ARHGAP39: variants seen among roughly 807,000 people sequenced by gnomAD.
ARHGAP39 encodes the protein rho GTPase-activating protein 39.
ARHGAP39 carries 44 observed loss-of-function variants against 106.9 expected under a neutral mutation model. The ratio of observed to expected loss-of-function variants is 0.41; its 90% CI spans 0.32 to 0.53. The LOEUF (loss-of-function observed/expected upper bound fraction) is 0.53. Among genes scored for constraint, ARHGAP39 ranks in the 20% least tolerant of loss-of-function variants. ARHGAP39 has a pLI of 0.21. For synonymous variants in ARHGAP39, 768 were observed against 693.2 expected (o/e 1.11, Z -1.69); for missense variants, 1,496 against 1,577.3 (o/e 0.95, Z 0.87).
At chr8:144,602,636 G>A (rs1820070602) in intron 2 of ARHGAP39, among the ~76,000 whole-genome samples, 3 of 56,554 alleles carry the variant, frequency 5.3e-5, no homozygotes, top group South Asian at 1.7e-3. Context: ...GTGGAGGCGT[G>A]TGTGTGCTCG....
intron 6 of ARHGAP39, among the ~76,000 whole-genome samples, chr8:144,542,554 G>A (rs764317774): frequency 1.3e-5 from 2 of 152,268 alleles, no homozygotes; most frequent in South Asian, 2.1e-4. Context: ...CATCCTCCTC[G>A]GCTGATAGGG....
intron 3 of ARHGAP39, among the ~76,000 whole-genome samples, chr8:144,561,212 TTTCCATCACACTCCA>T (rs1818131535): frequency 1.3e-5 from 2 of 151,946 alleles, no homozygotes; most frequent in African/African-American, 4.8e-5. Context: ...ACCCCAGTGG[TTTCCATCACACTCCA>T]GTGGTTTCCA....
intron 3 of ARHGAP39, among the ~76,000 whole-genome samples, chr8:144,574,699 A>T (rs1036719433): frequency 2.0e-5 from 3 of 152,156 alleles, no homozygotes; most frequent in African/African-American, 7.2e-5. Flanking sequence ...TAATAATAAA[A>T]AATAAAAAAA....
At chr8:144,609,078 A>G (rs1179151655) in intron 1 of ARHGAP39, among the ~76,000 whole-genome samples, 2 of 152,230 alleles carry the variant, frequency 1.3e-5, no homozygotes, top group Admixed American at 1.3e-4. Context: ...AACCTGCAGT[A>G]TTATTACTGA....
At position 144,609,276 on chromosome 8, in the gene ARHGAP39, T is replaced by C. The variant is rs112881267; in HGVS notation, c.-81-3581A>G. On this transcript the variant is annotated intron_variant, in intron 1 of 11. Coordinates refer to ENST00000377307, the MANE Select transcript of ARHGAP39 (RefSeq NM_025251.3). ...TTGTAAAATACTTTTACTGTATCTA[T>C]TGAAATGATCACATGGTTTCTCTTT... Among the ~76,000 whole-genome samples the C allele has an allele frequency of 6.1e-3, 930 of 152,338 alleles. 3 individuals carry two copies. Among genetic ancestry groups the C allele is most frequent in the Non-Finnish European group, 9.2e-3 (625 of 68,040 alleles).
chr8:144,648,690 C>G (rs76492090), intron 1 of ARHGAP39, among the ~76,000 whole-genome samples: 4,156 of 152,284 alleles, frequency 0.027, 255 homozygotes, highest in East Asian at 0.25. Flanking sequence ...CCCTAGCTTC[C>G]CAATGAATCT....
intron 6 of ARHGAP39, among the ~76,000 whole-genome samples, chr8:144,541,049 A>G (rs2130830186): frequency 6.6e-6 from 1 of 152,198 alleles, no homozygotes; most frequent in Admixed American, 6.5e-5. Flanking sequence ...ATGGGGTTTC[A>G]CCATGTTGGC....
At chr8:144,668,776 C>T (rs936358787) in intron 1 of ARHGAP39, among the ~76,000 whole-genome samples, 6 of 152,052 alleles carry the variant, frequency 3.9e-5, no homozygotes, top group South Asian at 2.1e-4. Context: ...CAAAGTCAAG[C>T]TTGCTGAAAA....
intron 6 of ARHGAP39, among the ~76,000 whole-genome samples, chr8:144,544,417 G>A (rs1377115150): frequency 7.2e-5 from 11 of 152,280 alleles, no homozygotes; most frequent in Admixed American, 6.5e-4. Context: ...CCAGACCAGG[G>A]TGGGCTCTCA....
At chr8:144,642,828 G>A (rs1821346291) in intron 1 of ARHGAP39, among the ~76,000 whole-genome samples, 3 of 152,042 alleles carry the variant, frequency 2.0e-5, no homozygotes, top group South Asian at 2.1e-4. Context: ...ACCCAGTCTC[G>A]GGTATGTCTT....
Position 144,623,612 on chromosome 8 carries a change from C to T in ARHGAP39, c.-81-17917G>A, listed in dbSNP as rs568717492. On this transcript the variant is annotated intron_variant, in intron 1 of 11. Transcript: ENST00000377307. ...CAGACGTGTTCCAGGAGGCACCCGA[C>T]GTCTGCAGCGACAGAGGAGATGGTA... 4.6e-5 allele frequency among the ~76,000 whole-genome samples: 7 copies of T among 152,340 alleles called. No individual in the cohort carries two copies. In the East Asian group the frequency reaches 9.7e-4, roughly 21 times the overall value.
rs1330587564 is a variant in ARHGAP39, at chr8:144,646,340, G to C, written c.-82+39346C>G. The stretch of plus-strand genomic sequence containing the variant: ...GGCAATAAAAGTGGTACTGGGAGTT[G>C]GCAGGAACAGAGAGCGGGAGGGGAG... On this transcript the variant is annotated intron_variant, in intron 1 of 11. Coordinates refer to ENST00000377307, the MANE Select transcript of ARHGAP39 (RefSeq NM_025251.3). This position sits in a 1 kb window ranked among gnomAD's most constrained non-coding sequence, Gnocchi z 5.7. 1.3e-5 allele frequency among the ~76,000 whole-genome samples: 2 copies of C among 152,210 alleles called. No homozygotes were observed. Among genetic ancestry groups the C allele is most frequent in the Admixed American group, 6.5e-5 (1 of 15,288 alleles).
At chr8:144,592,565 T>C (rs1382094010) in intron 2 of ARHGAP39, among the ~76,000 whole-genome samples, 5 of 88,840 alleles carry the variant, frequency 5.6e-5, no homozygotes, top group South Asian at 4.2e-4. Flanking sequence ...AACCTGAGGG[T>C]ACCTCCTGGG....
chr8:144,601,294 GC>G (rs1819918936), intron 2 of ARHGAP39, among the ~76,000 whole-genome samples: 1 of 149,518 alleles, frequency 6.7e-6, no homozygotes, highest in South Asian at 2.1e-4. Context: ...AGGCATGCGT[GC>G]GTGCTCATGT....
At chr8:144,563,691 C>T (rs557305395) in intron 3 of ARHGAP39, among the ~76,000 whole-genome samples, 1 of 152,074 alleles carries the variant, frequency 6.6e-6, no homozygotes, top group Non-Finnish European at 1.5e-5. Context: ...GTCCTAGCTG[C>T]TCTGGAGGAG....
In ARHGAP39 at chr8:144,645,307, T is replaced by G. The variant is rs899969890; in HGVS notation, c.-81-39612A>C. On this transcript the variant is annotated intron_variant, in intron 1 of 11. Transcript: ENST00000377307. The surrounding 1 kb of genome is among the most constrained non-coding windows in gnomAD (Gnocchi z 4.4). ...AGAAGTCCAGGTGTCAAGGAGAGGT[T>G]GGCCATGAGGTCAGATGCCCAGCTG... Among the ~76,000 whole-genome samples, 1 of 152,240 alleles carries G rather than the reference T, an allele frequency of 6.6e-6. No individual in the cohort carries two copies. Among genetic ancestry groups the G allele is most frequent in the Non-Finnish European group, 1.5e-5 (1 of 68,046 alleles).
At chr8:144,693,590 G>A in the ARHGAP39 span, among the ~76,000 whole-genome samples, 2,735 of 151,110 alleles carry the variant, frequency 0.018, 83 homozygotes, top group African/African-American at 0.063. Flanking sequence ...AGCCAGGATC[G>A]TCTGGATCTC....
chr8:144,534,542 A>T (rs1816876742), intron 7 of ARHGAP39, among the ~76,000 whole-genome samples: 1 of 152,156 alleles, frequency 6.6e-6, no homozygotes, highest in East Asian at 1.9e-4. Context: ...TGACCCAGGG[A>T]GCTGTCCAGG....
intron 4 of ARHGAP39, among the ~76,000 whole-genome samples, chr8:144,550,440 AAAC>A (rs370998158): frequency 5.9e-5 from 9 of 152,330 alleles, no homozygotes; most frequent in African/African-American, 2.2e-4. Context: ...TCTCTAAAAC[AAAC>A]AACAACAAAA....
Sources: gnomAD v4.1 joint callset for allele counts (sites outside exome capture counted in the v4.1 genomes callset) on GRCh38, gnomAD v4.1.1 for gene constraint, Gnocchi (gnomAD v3.1) non-coding constraint, MANE v1.5 for transcripts, NCBI Gene and HGNC (gene_info 2026-07-23, HGNC 2026-07-21) for gene names.